The following CC2D2B variants were observed in gnomAD, a reference collection of about 807,000 sequenced individuals.
CC2D2B encodes the protein coiled-coil and C2 domain containing 2B.
In CC2D2B, 128 loss-of-function variants were observed where a neutral mutation model predicts 161.2. That is an observed-to-expected ratio of 0.79 (90% CI 0.69 to 0.92). The LOEUF is 0.92. CC2D2B is among the 40% of genes least tolerant of loss of function. CC2D2B has a pLI of 0.00. For missense variants in CC2D2B, 1,173 were observed against 1,375.1 expected, an observed-to-expected ratio of 0.85 and a Z score of 2.32; for synonymous variants, 391 against 449.8, an observed-to-expected ratio of 0.87 and a Z score of 1.65.
chr10:95,992,595 G>A lies in CC2D2B; in HGVS notation c.2540G>A (p.Arg847Lys). Residue 847 changes from arginine to lysine, a missense_variant, in exon 22 of 35, where the codon AGG becomes AAG. Physicochemically the swap from Arg to Lys is conservative, Grantham distance 26 (BLOSUM62 2). Around this residue, in one of 3 missense-constraint regions of CC2D2B, gnomAD observed 598 missense variants for 693.2 expected, o/e 0.86. Transcript: ENST00000646931. ...AAGTTAAAACCTCAGAGGAAAGAAA[G>A]GAAAAAAGTCACAGCGCAGGCGATC... The part of the protein sequence containing the change: ...RRKLKPQRKE[R>K]KKVTAQAISD... 1 of 1,234,222 alleles carries A rather than the reference G, an allele frequency of 8.1e-7. No individual in the cohort carries two copies. The highest frequency in any genetic ancestry group is 1.0e-6 in the Non-Finnish European group (1 of 988,074). 76.5% of individuals were successfully genotyped at this position (1,234,222 alleles called of 1,614,324 possible).
intron 1 of CC2D2B, among the ~76,000 whole-genome samples, chr10:95,909,193 T>C (rs2098501694): frequency 6.6e-6 from 1 of 152,254 alleles, no homozygotes. Flanking sequence ...TGCCAGTTAA[T>C]GCAATACATG....
chr10:95,996,590 C>T (rs2078239021), intron 24 of CC2D2B, among the ~76,000 whole-genome samples: 1 of 152,126 alleles, frequency 6.6e-6, no homozygotes, highest in Non-Finnish European at 1.5e-5. Context: ...GAGGTAATAA[C>T]CATGAATTTG....
chr10:96,009,756 C>A, intron 25 of CC2D2B, 69 bp from the exon 26 acceptor site: 1 of 567,382 alleles, frequency 1.8e-6, no homozygotes, highest in Non-Finnish European at 2.9e-6. Flanking sequence ...TTTATATTTA[C>A]CTGTGAGTTT....
chr10:95,927,686 TTTTC>T (rs921513252), intron 6 of CC2D2B, among the ~76,000 whole-genome samples: 11 of 151,732 alleles, frequency 7.2e-5, no homozygotes, highest in South Asian at 4.2e-4. Flanking sequence ...GTGTTTTCTT[TTTTC>T]TTTCTTTCTT....
intron 17 of CC2D2B, 59 bp downstream of exon 17, chr10:95,974,215 C>T (rs929552560): frequency 3.2e-6 from 3 of 948,484 alleles, no homozygotes; most frequent in Admixed American, 4.3e-5. Context: ...TCACACAAAA[C>T]ATATTATGTG....
intron 6 of CC2D2B, among the ~76,000 whole-genome samples, chr10:95,933,546 G>A (rs781323822): frequency 4.6e-5 from 7 of 152,094 alleles, no homozygotes; most frequent in Non-Finnish European, 8.8e-5. Context: ...TTTGGTGTTG[G>A]TGACCTTTGG....
Position 95,938,679 on chromosome 10 carries a change from G to A in CC2D2B, c.646G>A (p.Glu216Lys). The A allele has an allele frequency of 1.4e-6, 1 of 713,258 alleles. No individual in the cohort carries two copies. Among genetic ancestry groups the A allele is most frequent in the Non-Finnish European group, 2.6e-6 (1 of 383,654 alleles). The allele number at this position is 713,258 out of a possible 1,614,324, so 44.2% of individuals were successfully genotyped here. A position where few individuals can be genotyped will look rare whatever the true frequency, so the allele number is the denominator to read the frequency against. ...EIYKKTCNKMENRLLKLEEGK... is the reference protein window; with the variant it reads ...EIYKKTCNKMKNRLLKLEEGK... ...ATACAAAAAGACCTGCAACAAAATGGAAAATCGCCTGCTTAAACTAGAAGA... is the reference window on the plus strand; with the variant it reads ...ATACAAAAAGACCTGCAACAAAATGAAAAATCGCCTGCTTAAACTAGAAGA... The change falls in exon 8 of 35, where the codon GAA becomes AAA. Residue 216 changes from glutamate (E) to lysine (K), a missense_variant. Glu to Lys is a moderately conservative substitution (Grantham distance 56). Around this residue, in one of 3 missense-constraint regions of CC2D2B, gnomAD observed 298 missense variants for 261.2 expected, o/e 1.14. Coordinates refer to ENST00000646931, the MANE Select transcript of CC2D2B (RefSeq NM_001349008.3).
rs570867636 is a variant in CC2D2B, at chr10:95,974,156, G to A, written c.1943G>A (p.Ser648Asn). 5.4e-5 allele frequency: 66 copies of A among 1,227,498 alleles called. No individual in the cohort carries two copies. In the African/African-American group the frequency reaches 7.9e-4, roughly 15 times the overall value. 76.0% of individuals were successfully genotyped at this position (1,227,498 alleles called of 1,614,324 possible). A position where few individuals can be genotyped will look rare whatever the true frequency, so the allele number is the denominator to read the frequency against. ...CAATCATTAAGATCTTCTTACTGCAGGTAATAAACTTTTATCTTTGAAAAA... is the reference window on the plus strand; with the variant it reads ...CAATCATTAAGATCTTCTTACTGCAAGTAATAAACTTTTATCTTTGAAAAA... ...MPQSLRSSYC[S>N]MLRNVDARSV... Residue 648 changes from serine (S) to asparagine (N), a missense_variant and splice_region_variant, in exon 17 of 35, where the codon AGT (serine) becomes AAT (asparagine). Around this residue, in one of 3 missense-constraint regions of CC2D2B, gnomAD observed 277 missense variants for 420.6 expected, o/e 0.66. Transcript: ENST00000646931.
chr10:95,932,863 G>T (rs11188526), intron 6 of CC2D2B, among the ~76,000 whole-genome samples: 64,847 of 151,806 alleles, frequency 0.43, 14,237 homozygotes, highest in Admixed American at 0.52. Flanking sequence ...GTTTCTTGGG[G>T]TTGCTCTTCT....
At chr10:95,917,896 C>A (rs2098519557) in intron 2 of CC2D2B, among the ~76,000 whole-genome samples, 2 of 152,142 alleles carry the variant, frequency 1.3e-5, no homozygotes, top group Non-Finnish European at 2.9e-5. Context: ...CCTGCCTCAG[C>A]CTCCCAAGTA....
chr10:96,019,675 A>G (rs759524552), intron 31 of CC2D2B, 27 bp from the exon 32 acceptor site: 15 of 1,554,562 alleles, frequency 9.6e-6, no homozygotes, highest in South Asian at 1.2e-5. Flanking sequence ...ATGGACCTAC[A>G]CTAATGTTAT....
chr10:95,971,388 CAAAA>C (rs200214465), intron 15 of CC2D2B, among the ~76,000 whole-genome samples: 1 of 99,640 alleles, frequency 1.0e-5, no homozygotes. Flanking sequence ...GACTCAACCT[CAAAA>C]AAAAAAAAAA....
intron 17 of CC2D2B, among the ~76,000 whole-genome samples, chr10:95,976,753 C>T (rs1488780123): frequency 6.6e-6 from 1 of 151,984 alleles, no homozygotes; most frequent in African/African-American, 2.4e-5. Flanking sequence ...AGCTTTGATG[C>T]TTTTTTTTGT....
intron 9 of CC2D2B, among the ~76,000 whole-genome samples, chr10:95,945,309 G>A (rs1420695025): frequency 2.0e-5 from 3 of 151,952 alleles, no homozygotes; most frequent in African/African-American, 4.8e-5. Flanking sequence ...CACATTTTTC[G>A]TGTTGCCCAG....
Position 95,961,860 on chromosome 10 carries a change from G to A in CC2D2B, c.1141G>A (p.Gly381Arg), listed in dbSNP as rs1030257947. The A allele has an allele frequency of 3.2e-6, 4 of 1,231,370 alleles. No homozygotes were observed. In the African/African-American group the frequency reaches 4.7e-5, roughly 14 times the overall value. 76.3% of individuals were successfully genotyped at this position (1,231,370 alleles called of 1,614,324 possible). ...AAAACAGATGTATGACTTAGAAAGG[G>A]GAAAGGACCTCTCCCTACTACACAG... ...NTKQMYDLER[G>R]KDLSLLHSIL... Residue 381 changes from glycine to arginine, a missense_variant, in exon 12 of 35, where the codon GGA becomes AGA. Coordinates refer to ENST00000646931, the MANE Select transcript of CC2D2B (RefSeq NM_001349008.3).
At chr10:95,994,655 G>A (rs1218733831) in intron 22 of CC2D2B, among the ~76,000 whole-genome samples, 1 of 152,204 alleles carries the variant, frequency 6.6e-6, no homozygotes, top group African/African-American at 2.4e-5. Flanking sequence ...GAGCCCTCAA[G>A]CGGCCCTTAT....
chr10:95,926,010 G>GT (rs1002091201), intron 5 of CC2D2B, among the ~76,000 whole-genome samples: 317 of 148,196 alleles, frequency 2.1e-3, no homozygotes, highest in South Asian at 3.4e-3. Context: ...AAAATGCAAG[G>GT]TTTTTTTTTT....
chr10:95,947,974 A>G (rs1378757534), intron 9 of CC2D2B, among the ~76,000 whole-genome samples: 1 of 152,188 alleles, frequency 6.6e-6, no homozygotes, highest in Non-Finnish European at 1.5e-5. Context: ...ATGTTTTAAT[A>G]AGTAATTCTC....
At position 95,992,580 on chromosome 10, in the gene CC2D2B, C is replaced by G. The variant is rs1460204185; in HGVS notation, c.2525C>G (p.Pro842Arg). 8.1e-7 allele frequency: 1 copy of G among 1,234,042 alleles called. No homozygotes were observed. The highest frequency in any genetic ancestry group is 1.0e-6 in the Non-Finnish European group (1 of 988,090). The allele number at this position is 1,234,042 out of a possible 1,614,324, so 76.4% of individuals were successfully genotyped here. A position where few individuals can be genotyped will look rare whatever the true frequency, so the allele number is the denominator to read the frequency against. ...KFVEPRRKLK[P>R]QRKERKKVTA... ...GTTGAACCACGGAGAAAGTTAAAAC[C>G]TCAGAGGAAAGAAAGGAAAAAAGTC... Residue 842 changes from proline (P) to arginine (R), a missense_variant, in exon 22 of 35, where the codon CCT becomes CGT. Transcript: ENST00000646931.
Sources: allele counts gnomAD v4.1 joint callset (sites outside exome capture counted in the v4.1 genomes callset), GRCh38; gene constraint gnomAD v4.1.1; regional missense constraint gnomAD v4.1.1; transcripts MANE v1.5; gene names NCBI Gene and HGNC (gene_info 2026-07-23, HGNC 2026-07-21).